The following ARHGAP31 variants were observed in gnomAD, a reference collection of about 807,000 sequenced individuals.
ARHGAP31 encodes Rho GTPase activating protein 31, also known as rho GTPase-activating protein 31.
In ARHGAP31, 34 loss-of-function variants were observed where a neutral mutation model predicts 113.9. The observed-to-expected ratio is 0.30, with a 90% confidence interval of 0.23 to 0.40. ARHGAP31 has a LOEUF of 0.40. Ranked by LOEUF, ARHGAP31 falls within the 10% of genes least tolerant of loss-of-function variation. The probability of loss-of-function intolerance (pLI) is 1.00; values close to 1 mark genes in which losing one functional copy is unlikely to be tolerated. For synonymous variants in ARHGAP31, 650 were observed against 684.8 expected, an observed-to-expected ratio of 0.95 and a Z score of 0.79; for missense variants, 1,548 against 1,767.1, an observed-to-expected ratio of 0.88 and a Z score of 2.22.
chr3:119,410,697 G>A (rs555000460), intron 11 of ARHGAP31, among the ~76,000 whole-genome samples: 36 of 152,310 alleles, frequency 2.4e-4, no homozygotes, highest in Non-Finnish European at 4.9e-4. Context: ...AAAGAGAACC[G>A]GGTGGATTCA....
intron 1 of ARHGAP31, among the ~76,000 whole-genome samples, chr3:119,319,243 C>G (rs1184154606): frequency 1.3e-5 from 2 of 148,556 alleles, no homozygotes; most frequent in Non-Finnish European, 3.0e-5. Context: ...AAAAAAAAAA[C>G]TCTAGAGTTT....
At chr3:119,381,981 G>C (rs761561962) in intron 4 of ARHGAP31, among the ~76,000 whole-genome samples, 1 of 111,014 alleles carries the variant, frequency 9.0e-6, no homozygotes, top group Non-Finnish European at 1.7e-5. Context: ...GCGAGACTCC[G>C]TCTCAAAAAA....
intron 1 of ARHGAP31, among the ~76,000 whole-genome samples, chr3:119,302,159 G>A (rs2079590000): frequency 6.6e-6 from 1 of 152,238 alleles, no homozygotes; most frequent in Non-Finnish European, 1.5e-5. Flanking sequence ...TGACACTCTT[G>A]AGTTGAACCG....
chr3:119,327,750 A>C (rs758992763), intron 1 of ARHGAP31, among the ~76,000 whole-genome samples: 6 of 152,118 alleles, frequency 3.9e-5, no homozygotes, highest in Non-Finnish European at 8.8e-5. Context: ...AGGAGCAGAG[A>C]ATTTTGTTTG....
intron 1 of ARHGAP31, among the ~76,000 whole-genome samples, chr3:119,304,634 C>T (rs1164082552): frequency 1.3e-5 from 2 of 151,644 alleles, no homozygotes; most frequent in South Asian, 2.1e-4. Flanking sequence ...GTGAACCTAA[C>T]CTCAGGAGAG....
intron 1 of ARHGAP31, among the ~76,000 whole-genome samples, chr3:119,310,567 A>G (rs2079670584): frequency 6.6e-6 from 1 of 152,196 alleles, no homozygotes; most frequent in African/African-American, 2.4e-5. Flanking sequence ...AGGAGCGCCA[A>G]TCCTATTGTG....
In ARHGAP31 at chr3:119,335,156, C is replaced by T. The variant is rs115405314; in HGVS notation, c.101-30160C>T. Among the ~76,000 whole-genome samples the T allele has an allele frequency of 3.9e-3, 598 of 152,258 alleles. 1 individual carries two copies. Among genetic ancestry groups the T allele is most frequent in the Admixed American group, 8.6e-3 (131 of 15,298 alleles). ...AAAGTCTATGCAGACTATAATTTCACTGTGGCCTACTCCTCTATGTAATAC... is the reference window on the plus strand; with the variant it reads ...AAAGTCTATGCAGACTATAATTTCATTGTGGCCTACTCCTCTATGTAATAC... On this transcript the variant is annotated intron_variant, in intron 1 of 11. Transcript: ENST00000264245.
intron 1 of ARHGAP31, among the ~76,000 whole-genome samples, chr3:119,344,114 C>T (rs540848119): frequency 4.0e-4 from 61 of 152,306 alleles, no homozygotes; most frequent in Non-Finnish European, 7.5e-4. Context: ...AAATATTAGA[C>T]GCTGGACTAA....
In ARHGAP31 at chr3:119,415,063, A is replaced by G; in HGVS notation, c.3134A>G (p.Glu1045Gly). ...TSPISLAEGK[E>G]LGTHLGHSSP... ...CCCATCAGCCTAGCAGAGGGAAAGGAGCTAGGGACACACCTGGGGCACAGC... is the reference window on the plus strand; with the variant it reads ...CCCATCAGCCTAGCAGAGGGAAAGGGGCTAGGGACACACCTGGGGCACAGC... Residue 1045 changes from glutamate (E) to glycine (G), a missense_variant, in exon 12 of 12, where the codon GAG becomes GGG. Physicochemically the swap from Glu to Gly is moderately conservative, Grantham distance 98. Coordinates refer to ENST00000264245, the MANE Select transcript of ARHGAP31 (RefSeq NM_020754.4). 17 of 1,614,198 alleles carry G rather than the reference A, an allele frequency of 1.1e-5. No homozygotes were observed. The highest frequency in any genetic ancestry group is 1.4e-5 in the Non-Finnish European group (17 of 1,180,034).
intron 1 of ARHGAP31, among the ~76,000 whole-genome samples, chr3:119,320,940 T>C (rs59432425): frequency 0.015 from 2,334 of 152,224 alleles, 59 homozygotes; most frequent in African/African-American, 0.052. Flanking sequence ...TCTGATGGTT[T>C]TGAAAAACGG....
At position 119,417,935 on chromosome 3, in the gene ARHGAP31, CTG is replaced by C. The variant is rs1338045519; in HGVS notation, c.*1672_*1673del. On this transcript the variant is annotated 3_prime_UTR_variant, in exon 12 of 12. Coordinates refer to ENST00000264245, the MANE Select transcript of ARHGAP31 (RefSeq NM_020754.4). ...CTCTGGGTAGGCGTCACAACCAAGG[CTG>C]GTTCTGGGCTTAGTGGGGGCTGAGA... The C allele has an allele frequency of 6.6e-6, 1 of 152,094 alleles. No individual in the cohort carries two copies. Among genetic ancestry groups the C allele is most frequent in the Non-Finnish European group, 1.5e-5 (1 of 68,054 alleles). 9.4% of individuals were successfully genotyped at this position (152,094 alleles called of 1,614,324 possible).
intron 1 of ARHGAP31, among the ~76,000 whole-genome samples, chr3:119,354,688 T>G (rs1250026519): frequency 6.7e-6 from 1 of 150,222 alleles, no homozygotes; most frequent in Non-Finnish European, 1.5e-5. Context: ...ATTTTTTTTT[T>G]TTTTTTTTTT....
chr3:119,375,041 A>G (rs1465686147), intron 3 of ARHGAP31, among the ~76,000 whole-genome samples: 1 of 151,950 alleles, frequency 6.6e-6, no homozygotes, highest in African/African-American at 2.4e-5. Flanking sequence ...TTCTTCACCT[A>G]TAAGTAGGTT....
At chr3:119,392,943 C>T (rs2080518059) in intron 7 of ARHGAP31, among the ~76,000 whole-genome samples, 1 of 152,132 alleles carries the variant, frequency 6.6e-6, no homozygotes, top group African/African-American at 2.4e-5. Flanking sequence ...AGTGTTTACT[C>T]CTGTATAAAA....
intron 1 of ARHGAP31, among the ~76,000 whole-genome samples, chr3:119,304,708 C>T (rs994937254): frequency 6.6e-6 from 1 of 151,940 alleles, no homozygotes; most frequent in African/African-American, 2.4e-5. Flanking sequence ...TTGTCTATCC[C>T]CTGCCCAAGC....
At chr3:119,336,596 G>C (rs1486400551) in intron 1 of ARHGAP31, among the ~76,000 whole-genome samples, 1 of 152,050 alleles carries the variant, frequency 6.6e-6, no homozygotes, top group East Asian at 1.9e-4. Context: ...ATATTTTGTT[G>C]GTCTAAGTTC....
At chr3:119,381,444 A>G (rs1433284789) in intron 4 of ARHGAP31, among the ~76,000 whole-genome samples, 1 of 152,112 alleles carries the variant, frequency 6.6e-6, no homozygotes, top group Non-Finnish European at 1.5e-5. Flanking sequence ...TTTAGCCCCT[A>G]ATGTTGCCAC....
chr3:119,380,037 C>A (rs143283678), intron 3 of ARHGAP31, among the ~76,000 whole-genome samples: 1 of 152,196 alleles, frequency 6.6e-6, no homozygotes, highest in African/African-American at 2.4e-5. Context: ...GAGAGATGGA[C>A]GTGGACCAGC....
At chr3:119,334,757 C>T (rs2079928013) in intron 1 of ARHGAP31, among the ~76,000 whole-genome samples, 1 of 152,230 alleles carries the variant, frequency 6.6e-6, no homozygotes, top group Non-Finnish European at 1.5e-5. Flanking sequence ...AAGCACTTTA[C>T]AAGCGTGCAT....
Sources: gnomAD v4.1 joint callset for allele counts (sites outside exome capture counted in the v4.1 genomes callset) on GRCh38, gnomAD v4.1.1 for gene constraint, MANE v1.5 for transcripts, NCBI Gene and HGNC (gene_info 2026-07-23, HGNC 2026-07-21) for gene names.